Variants in NRXN3 observed in about 807,000 individuals in gnomAD.
NRXN3 encodes neurexin III.
NRXN3 carries 32 observed loss-of-function variants against 137.6 expected under a neutral mutation model. The ratio of observed to expected loss-of-function variants is 0.23; its 90% CI spans 0.18 to 0.31. NRXN3 has a LOEUF of 0.31. Ranked by LOEUF, NRXN3 falls within the 10% of genes least tolerant of loss-of-function variation. The pLI is 1.00. For synonymous variants in NRXN3, 798 were observed against 784.5 expected (o/e 1.02, Z -0.29); for missense variants, 1,574 against 2,062.5 (o/e 0.76, Z 4.59).
intron 10 of NRXN3, among the ~76,000 whole-genome samples, chr14:78,946,205 T>C (rs2152929309): frequency 6.6e-6 from 1 of 152,352 alleles, no homozygotes; most frequent in Non-Finnish European, 1.5e-5. Flanking sequence ...TGTGCAAGTA[T>C]GTGAAGACAT....
At chr14:79,482,559 C>A (rs997371402) in intron 16 of NRXN3, among the ~76,000 whole-genome samples, 1 of 152,214 alleles carries the variant, frequency 6.6e-6, no homozygotes, top group Admixed American at 6.5e-5. Flanking sequence ...TTTCTTTTTT[C>A]TTGAAATGAC....
At chr14:79,500,507 A>T (rs1195041967) in intron 16 of NRXN3, among the ~76,000 whole-genome samples, 1 of 152,286 alleles carries the variant, frequency 6.6e-6, no homozygotes, top group East Asian at 1.9e-4. Flanking sequence ...ATTATGCATC[A>T]CTTGTCAACT....
intron 16 of NRXN3, among the ~76,000 whole-genome samples, chr14:79,620,337 TCA>T: frequency 6.6e-6 from 1 of 152,286 alleles, no homozygotes; most frequent in East Asian, 1.9e-4. Flanking sequence ...TATTTTGATG[TCA>T]AGTACTTGTC....
intron 16 of NRXN3, among the ~76,000 whole-genome samples, chr14:79,496,763 G>A (rs2096771528): frequency 6.6e-6 from 1 of 152,166 alleles, no homozygotes; most frequent in Non-Finnish European, 1.5e-5. Flanking sequence ...ATTCAGATTA[G>A]TTCAACTAAC....
chr14:78,729,116 G>A (rs1045510122), intron 8 of NRXN3, among the ~76,000 whole-genome samples: 22 of 152,220 alleles, frequency 1.4e-4, no homozygotes, highest in Non-Finnish European at 2.8e-4. Context: ...GTACATGGAG[G>A]AGTATTATTA....
chr14:79,106,975 A>T (rs2052566657), intron 15 of NRXN3, among the ~76,000 whole-genome samples: 1 of 152,192 alleles, frequency 6.6e-6, no homozygotes, highest in Non-Finnish European at 1.5e-5. Flanking sequence ...ATGAAAAGGT[A>T]GCTAGGTAGA....
chr14:79,611,099 A>G (rs2098092901), intron 16 of NRXN3, among the ~76,000 whole-genome samples: 1 of 152,204 alleles, frequency 6.6e-6, no homozygotes, highest in Non-Finnish European at 1.5e-5. Flanking sequence ...TTCAGGATGC[A>G]GTTTCAACTA....
chr14:79,657,163 G>A (rs2098510432), intron 16 of NRXN3, among the ~76,000 whole-genome samples: 2 of 152,114 alleles, frequency 1.3e-5, no homozygotes, highest in Non-Finnish European at 1.5e-5. Flanking sequence ...AAGTATTACT[G>A]TTGCTCTTGT....
intron 19 of NRXN3, among the ~76,000 whole-genome samples, chr14:79,734,352 G>A (rs1472259902): frequency 6.6e-6 from 1 of 152,170 alleles, no homozygotes; most frequent in African/African-American, 2.4e-5. Context: ...TGACTGAACT[G>A]TCATGACATT....
chr14:79,190,899 C>G (rs2064210437), intron 15 of NRXN3, among the ~76,000 whole-genome samples: 1 of 152,080 alleles, frequency 6.6e-6, no homozygotes, highest in Admixed American at 6.5e-5. Context: ...AGGATTTACC[C>G]TTATAAAAAC....
intron 10 of NRXN3, among the ~76,000 whole-genome samples, chr14:78,814,884 G>T (rs1241607748): frequency 6.6e-6 from 1 of 152,170 alleles, no homozygotes; most frequent in Non-Finnish European, 1.5e-5. Context: ...TTCAAGCCAT[G>T]TGCAGTATGA....
At chr14:78,554,390 G>T (rs1566732460) in intron 4 of NRXN3, among the ~76,000 whole-genome samples, 1 of 152,084 alleles carries the variant, frequency 6.6e-6, no homozygotes, top group African/African-American at 2.4e-5. Flanking sequence ...CTTTCCTCCT[G>T]GCTCCCTGTA....
chr14:78,733,674 G>A (rs2098527590), intron 8 of NRXN3, among the ~76,000 whole-genome samples: 1 of 152,172 alleles, frequency 6.6e-6, no homozygotes, highest in Admixed American at 6.5e-5. Flanking sequence ...AGGACTCAGA[G>A]AGTAAGTGTG....
At chr14:78,794,452 T>C (rs2098815033) in intron 8 of NRXN3, among the ~76,000 whole-genome samples, 2 of 152,218 alleles carry the variant, frequency 1.3e-5, no homozygotes, top group South Asian at 2.1e-4. Context: ...TAATATCTTT[T>C]GTAAATTTTA....
intron 15 of NRXN3, among the ~76,000 whole-genome samples, chr14:79,377,992 G>A (rs908966552): frequency 6.6e-6 from 1 of 152,180 alleles, no homozygotes; most frequent in African/African-American, 2.4e-5. Flanking sequence ...TTGAGTGGGT[G>A]CTTGATAGAA....
At chr14:79,828,123 AAG>A (rs1378239277) in intron 20 of NRXN3, among the ~76,000 whole-genome samples, 1 of 152,174 alleles carries the variant, frequency 6.6e-6, no homozygotes, top group Non-Finnish European at 1.5e-5. Context: ...ACAGTTCAAC[AAG>A]AGATTCAGGC....
At chr14:78,501,479 C>T (rs562778350) in intron 4 of NRXN3, among the ~76,000 whole-genome samples, 1 of 152,244 alleles carries the variant, frequency 6.6e-6, no homozygotes, top group African/African-American at 2.4e-5. Context: ...AAGACAGAAG[C>T]TATAGTCTTT....
rs188823678 is a variant in NRXN3, at chr14:79,078,951, C to T, written c.3262+90810C>T. On this transcript the variant is annotated intron_variant, in intron 15 of 20. Transcript: ENST00000335750. The stretch of plus-strand genomic sequence containing the variant: ...TACCAGAAGAAGATGAAAGAGAGAA[C>T]CTAACTCATTTTCTGTCACCAGTCC... Among the ~76,000 whole-genome samples the T allele has an allele frequency of 3.8e-3, 584 of 152,040 alleles. 3 individuals are homozygous for T. The highest frequency in any genetic ancestry group is 5.6e-3 in the Non-Finnish European group (383 of 67,982).
rs141654414 is a variant in NRXN3 at position 79,109,117 on chromosome 14, A to G, written c.3262+120976A>G. Among the ~76,000 whole-genome samples, 563 of 152,300 alleles carry G rather than the reference A, an allele frequency of 3.7e-3. 2 individuals are homozygous for G. Among genetic ancestry groups the G allele is most frequent in the African/African-American group, 0.013 (539 of 41,570 alleles). On this transcript the variant is annotated intron_variant, in intron 15 of 20. Coordinates refer to ENST00000335750, the MANE Select transcript of NRXN3 (RefSeq NM_001330195.2). ...TTCAGTGAATGTTACATTGGTTTTT[A>G]ATGGACTTTCCCCAGTTGGTTGCTT...
Sources: allele counts gnomAD v4.1 joint callset (sites outside exome capture counted in the v4.1 genomes callset), GRCh38; gene constraint gnomAD v4.1.1; transcripts MANE v1.5; gene names NCBI Gene and HGNC (gene_info 2026-07-23, HGNC 2026-07-21).